CAST: variants seen among roughly 807,000 people sequenced by gnomAD.
CAST encodes the protein MIR583 host.
A neutral mutation model predicts 119.6 loss-of-function variants in CAST; 76 were observed. The observed-to-expected ratio is 0.64, with a 90% CI of 0.53 to 0.77. The LOEUF (loss-of-function observed/expected upper bound fraction) is 0.77, where lower values mean the gene tolerates loss of function less well. Among genes scored for constraint, CAST ranks in the 30% least tolerant of loss-of-function variants. The pLI is 0.00. For missense variants in CAST, 953 were observed against 946.5 expected (o/e 1.01, Z -0.09); for synonymous variants, 319 against 331.6 (o/e 0.96, Z 0.41).
the CAST span, chr5:95,973,130 T>C: frequency 4.1e-5 from 7 of 169,434 alleles, no homozygotes; most frequent in Non-Finnish European, 9.0e-5. Context: ...TTTCTTGTTA[T>C]TGTGCTTTCC....
At chr5:96,352,607 T>C in the CAST span, among the ~76,000 whole-genome samples, 86 of 152,272 alleles carry the variant, frequency 5.6e-4, no homozygotes, top group Non-Finnish European at 1.1e-3. Context: ...AACACAATTA[T>C]CAAAATAAAA....
the CAST span, among the ~76,000 whole-genome samples, chr5:96,270,814 G>T: frequency 6.6e-6 from 1 of 150,426 alleles, no homozygotes; most frequent in Non-Finnish European, 1.5e-5. Flanking sequence ...CATGGCACAC[G>T]TTTACCTATG....
the CAST span, chr5:96,408,216 GC>G: frequency 1.1e-5 from 18 of 1,603,376 alleles, no homozygotes; most frequent in African/African-American, 1.9e-4. Flanking sequence ...AGCTTTCTGG[GC>G]CTTACTTTGC....
At chr5:96,177,665 T>G in the CAST span, among the ~76,000 whole-genome samples, 1 of 152,212 alleles carries the variant, frequency 6.6e-6, no homozygotes, top group Non-Finnish European at 1.5e-5. Flanking sequence ...AAACCGGTTT[T>G]TCTTTGGTTA....
chr5:96,592,673 C>A (rs1433078862), intron 1 of CAST, among the ~76,000 whole-genome samples: 1 of 152,104 alleles, frequency 6.6e-6, no homozygotes, highest in Non-Finnish European at 1.5e-5. Flanking sequence ...TATTTTGTGT[C>A]ACCTTCCTGC....
chr5:96,102,842 T>C, the CAST span, among the ~76,000 whole-genome samples: 1 of 152,108 alleles, frequency 6.6e-6, no homozygotes, highest in Non-Finnish European at 1.5e-5. Flanking sequence ...TCTCATTTAG[T>C]TGCTTAAGAA....
the CAST span, among the ~76,000 whole-genome samples, chr5:96,483,332 A>AT: frequency 2.0e-5 from 3 of 152,152 alleles, no homozygotes; most frequent in East Asian, 5.8e-4. Flanking sequence ...GACAAGTAAA[A>AT]TAGCTGTGCC....
the CAST span, among the ~76,000 whole-genome samples, chr5:96,196,678 TA>T: frequency 6.6e-6 from 1 of 151,944 alleles, no homozygotes. Context: ...ACCGTTACAA[TA>T]AAAAAGTGGG....
At chr5:96,446,133 A>G in the CAST span, among the ~76,000 whole-genome samples, 1 of 151,600 alleles carries the variant, frequency 6.6e-6, no homozygotes. Flanking sequence ...TGCTGCGATT[A>G]CAGGCATCAG....
chr5:96,386,477 GC>G, the CAST span, among the ~76,000 whole-genome samples: 1 of 152,146 alleles, frequency 6.6e-6, no homozygotes, highest in East Asian at 1.9e-4. Context: ...CATAATCTTA[GC>G]CAGAGATATT....
intron 3 of CAST, among the ~76,000 whole-genome samples, chr5:96,714,420 C>T (rs1331565496): frequency 6.6e-6 from 1 of 152,130 alleles, no homozygotes; most frequent in African/African-American, 2.4e-5. Context: ...ACAGTTTTTA[C>T]AAATAAAGAA....
the CAST span, chr5:96,408,092 AG>A: frequency 4.2e-6 from 3 of 707,530 alleles, no homozygotes; most frequent in Admixed American, 6.1e-5. Context: ...TCGAAGTGGC[AG>A]GAAAGAGCTT....
the CAST span, among the ~76,000 whole-genome samples, chr5:96,201,412 C>T: frequency 6.6e-6 from 1 of 152,086 alleles, no homozygotes; most frequent in Non-Finnish European, 1.5e-5. Flanking sequence ...TGCTGTTGCT[C>T]GACACTTTCA....
At chr5:96,471,194 C>T in the CAST span, among the ~76,000 whole-genome samples, 1 of 152,056 alleles carries the variant, frequency 6.6e-6, no homozygotes, top group Admixed American at 6.6e-5. Flanking sequence ...CTCCCAGACT[C>T]ATATTCTTCA....
the CAST span, among the ~76,000 whole-genome samples, chr5:96,226,616 C>A: frequency 3.9e-5 from 6 of 152,028 alleles, no homozygotes; most frequent in Middle Eastern, 3.2e-3. Flanking sequence ...AAGATCACAC[C>A]ACTGCACTTC....
At chr5:96,398,727 C>A in the CAST span, 1 of 703,532 alleles carries the variant, frequency 1.4e-6, no homozygotes. Flanking sequence ...GGAGATCTAA[C>A]ACCAAGAAAA....
At chr5:96,412,752 G>GTTTTTTTGTTTTTTT in the CAST span, among the ~76,000 whole-genome samples, 1 of 71,832 alleles carries the variant, frequency 1.4e-5, no homozygotes, top group African/African-American at 9.0e-5. Context: ...CAGCTGTGAT[G>GTTTTTTTGTTTTTTT]TTTTTTTTTT....
chr5:96,718,945 A>C (rs144207092), intron 3 of CAST, among the ~76,000 whole-genome samples: 205 of 152,132 alleles, frequency 1.3e-3, no homozygotes, highest in African/African-American at 4.8e-3. Flanking sequence ...GGTCAAGGGG[A>C]GAGATCACGG....
chr5:96,556,875 C>T (rs1205850545), intron 1 of CAST, among the ~76,000 whole-genome samples: 1 of 151,860 alleles, frequency 6.6e-6, no homozygotes, highest in Non-Finnish European at 1.5e-5. Flanking sequence ...AAAGATACTC[C>T]TCGAGAAGAG....
Sources: gnomAD v4.1 joint callset for allele counts (sites outside exome capture counted in the v4.1 genomes callset) on GRCh38, gnomAD v4.1.1 for gene constraint, MANE v1.5 for transcripts, NCBI Gene and HGNC (gene_info 2026-07-23, HGNC 2026-07-21) for gene names.